ANKS1B: variants seen among roughly 807,000 people sequenced by gnomAD.
ANKS1B encodes ankyrin repeat and sterile alpha motif domain containing 1B.
In ANKS1B, 36 loss-of-function variants were observed where a neutral mutation model predicts 148.3. That is an observed-to-expected ratio of 0.24 (90% confidence interval 0.19 to 0.32). The LOEUF (loss-of-function observed/expected upper bound fraction) is 0.32, where lower values mean the gene tolerates loss of function less well. ANKS1B is among the 10% of genes least tolerant of loss of function. The pLI, the probability that ANKS1B is intolerant of heterozygous loss-of-function variation, is 1.00. For missense variants in ANKS1B, 1,157 were observed against 1,542.6 expected, an observed-to-expected ratio of 0.75 and a Z score of 4.19; for synonymous variants, 542 against 560.8, an observed-to-expected ratio of 0.97 and a Z score of 0.47.
intron 1 of ANKS1B, among the ~76,000 whole-genome samples, chr12:99,978,543 A>T (rs552495783): frequency 6.6e-6 from 1 of 152,340 alleles, no homozygotes; most frequent in African/African-American, 2.4e-5. Flanking sequence ...ATTTTTATAG[A>T]TATAACATTT....
At chr12:98,862,540 T>C (rs2099604442) in intron 17 of ANKS1B, among the ~76,000 whole-genome samples, 2 of 152,170 alleles carry the variant, frequency 1.3e-5, no homozygotes, top group African/African-American at 4.8e-5. Context: ...GGTCTCAGCT[T>C]CCCAACACAC....
intron 17 of ANKS1B, chr12:98,893,463 G>A (rs1255377737): frequency 1.3e-5 from 2 of 152,106 alleles, no homozygotes; most frequent in South Asian, 2.1e-4. Context: ...TAACTTTAAC[G>A]TGAGCCCACC....
At chr12:99,208,823 A>G (rs190365850) in intron 14 of ANKS1B, among the ~76,000 whole-genome samples, 26 of 152,272 alleles carry the variant, frequency 1.7e-4, no homozygotes, top group Non-Finnish European at 3.2e-4. Context: ...TATTTTACAG[A>G]TTTAAGAAAA....
At chr12:99,805,263 C>CAAAAAAGA (rs2067458437) in intron 4 of ANKS1B, among the ~76,000 whole-genome samples, 1 of 28,908 alleles carries the variant, frequency 3.5e-5, no homozygotes, top group Non-Finnish European at 5.8e-5. Flanking sequence ...GAGGAAAAGG[C>CAAAAAAGA]AAAAAAAAAA....
At chr12:99,924,519 T>C (rs2094439868) in intron 1 of ANKS1B, among the ~76,000 whole-genome samples, 3 of 152,152 alleles carry the variant, frequency 2.0e-5, no homozygotes, top group Non-Finnish European at 4.4e-5. Flanking sequence ...AACACTGCTA[T>C]GGTATGAATG....
At chr12:98,799,850 C>T (rs1367128073) in intron 21 of ANKS1B, among the ~76,000 whole-genome samples, 3 of 151,600 alleles carry the variant, frequency 2.0e-5, no homozygotes, top group African/African-American at 4.8e-5. Context: ...CTGCCCCTTG[C>T]CCTCCCCCCA....
chr12:99,970,485 A>C (rs1451431339), intron 1 of ANKS1B, among the ~76,000 whole-genome samples: 1 of 152,004 alleles, frequency 6.6e-6, no homozygotes, highest in African/African-American at 2.4e-5. Context: ...CAAAGTTTTA[A>C]ATAGTCATGC....
chr12:99,100,737 C>T (rs1051152792), intron 15 of ANKS1B, among the ~76,000 whole-genome samples: 1 of 152,194 alleles, frequency 6.6e-6, no homozygotes, highest in Non-Finnish European at 1.5e-5. Context: ...GCCATGTTGG[C>T]CACGCTGGTC....
intron 11 of ANKS1B, among the ~76,000 whole-genome samples, chr12:99,418,203 T>G (rs1357247282): frequency 1.3e-5 from 2 of 152,200 alleles, no homozygotes; most frequent in African/African-American, 4.8e-5. Context: ...AATGTTGGTA[T>G]GCAAAGCAAT....
intron 9 of ANKS1B, among the ~76,000 whole-genome samples, chr12:99,644,011 T>C (rs1051107646): frequency 2.0e-5 from 3 of 152,196 alleles, no homozygotes; most frequent in African/African-American, 7.2e-5. Context: ...CAAGTCCTGG[T>C]TTCTTTGAGT....
chr12:99,422,664 G>A (rs10860438), intron 11 of ANKS1B, among the ~76,000 whole-genome samples: 16,550 of 152,158 alleles, frequency 0.11, 959 homozygotes, highest in East Asian at 0.17. Flanking sequence ...ATGTGTTCGG[G>A]ATACAAAAAG....
At chr12:99,717,908 T>TC (rs1450175050) in intron 8 of ANKS1B, among the ~76,000 whole-genome samples, 1 of 145,116 alleles carries the variant, frequency 6.9e-6, no homozygotes, top group Non-Finnish European at 1.5e-5. Flanking sequence ...TCTTTTTTTT[T>TC]TTTTTTTTTT....
At chr12:99,322,324 G>C (rs555454643) in intron 12 of ANKS1B, among the ~76,000 whole-genome samples, 1 of 151,972 alleles carries the variant, frequency 6.6e-6, no homozygotes, top group East Asian at 1.9e-4. Flanking sequence ...TGGACACAGG[G>C]GGGTGAACAA....
intron 14 of ANKS1B, among the ~76,000 whole-genome samples, chr12:99,195,773 G>A (rs1225826603): frequency 6.6e-6 from 1 of 151,824 alleles, no homozygotes; most frequent in Non-Finnish European, 1.5e-5. Context: ...GAAATCTAAT[G>A]GTCCATGATA....
At chr12:99,922,905 C>T (rs1206148276) in intron 1 of ANKS1B, among the ~76,000 whole-genome samples, 3 of 151,886 alleles carry the variant, frequency 2.0e-5, no homozygotes, top group Non-Finnish European at 4.4e-5. Flanking sequence ...AGATGCCACC[C>T]CTTGACCTTG....
intron 17 of ANKS1B, among the ~76,000 whole-genome samples, chr12:98,951,290 A>C (rs1399814415): frequency 6.6e-6 from 1 of 152,210 alleles, no homozygotes; most frequent in Non-Finnish European, 1.5e-5. Flanking sequence ...TTGGAAAGAG[A>C]GGGGATCACT....
chr12:98,887,728 C>T (rs2099743352), intron 17 of ANKS1B, among the ~76,000 whole-genome samples: 1 of 152,088 alleles, frequency 6.6e-6, no homozygotes, highest in Non-Finnish European at 1.5e-5. Flanking sequence ...ATGCCTCAGC[C>T]TCCTGAGTAG....
At chr12:99,885,713 A>G (rs544655581) in intron 1 of ANKS1B, among the ~76,000 whole-genome samples, 2 of 152,060 alleles carry the variant, frequency 1.3e-5, no homozygotes, top group Non-Finnish European at 2.9e-5. Context: ...AGCAGTGTCC[A>G]TTGTATCCAG....
In ANKS1B at chr12:99,653,494, T is replaced by C. The variant is rs1000931883; in HGVS notation, c.1272+1573A>G. Among the ~76,000 whole-genome samples, 3 of 152,286 alleles carry C rather than the reference T, an allele frequency of 2.0e-5. No homozygotes were observed. The East Asian group carries it at 5.8e-4, about 29-fold the overall frequency. ...TGTTAATTTTCTTTCCCTTTACCCA[T>C]GTAGATATGAGGTAAAAAACTATAT... is the stretch of plus-strand genomic sequence containing the variant. On this transcript the variant is annotated intron_variant, in intron 9 of 26. Transcript: ENST00000683438.
Sources: allele counts gnomAD v4.1 joint callset (sites outside exome capture counted in the v4.1 genomes callset), GRCh38; gene constraint gnomAD v4.1.1; transcripts MANE v1.5; gene names NCBI Gene and HGNC (gene_info 2026-07-23, HGNC 2026-07-21).